Variants in SASH1 observed in about 807,000 individuals in gnomAD.
SASH1 encodes SAM and SH3 domain containing 1, also known as SAM and SH3 domain-containing protein 1.
SASH1 carries 44 observed loss-of-function variants against 125.2 expected under a neutral mutation model. The ratio of observed to expected loss-of-function variants is 0.35; its 90% CI spans 0.28 to 0.45. The LOEUF is 0.45. Among genes scored for constraint, SASH1 ranks in the 20% least tolerant of loss-of-function variants. The pLI is 1.00. For synonymous variants in SASH1, 639 were observed against 649.1 expected (o/e 0.98, Z 0.24); for missense variants, 1,426 against 1,614.5 (o/e 0.88, Z 2.00).
Position 148,358,063 on chromosome 6 carries a change from A to G in SASH1, c.156+14840A>G, listed in dbSNP as rs1435448956. On this transcript the variant is annotated intron_variant, in intron 1 of 19. Coordinates refer to ENST00000367467, the MANE Select transcript of SASH1 (RefSeq NM_015278.5). ...CAACAAGAGCAAAACTCCGTCTCAA[A>G]AAAAAAAAAAAAAAAAAAAAAATTC... Among the ~76,000 whole-genome samples, 52 of 69,472 alleles carry G rather than the reference A, an allele frequency of 7.5e-4. 1 individual carries two copies. In the South Asian group the frequency reaches 0.017, roughly 22 times the overall value. 45.6% of individuals were successfully genotyped at this position (69,472 alleles called of 152,430 possible).
chr6:148,356,494 C>CTTTTTTTTTTTTTTTTTTT lies in SASH1; in HGVS notation c.156+13273_156+13291dup, dbSNP rs57183555. On this transcript the variant is annotated intron_variant, in intron 1 of 19. Transcript: ENST00000367467. ...TCAAATGGTAGATCTACTTTTAGTTCTTTTTTTTTTTTTTTTTTTTGAGAC... is the reference window on the plus strand; with the variant it reads ...TCAAATGGTAGATCTACTTTTAGTTCTTTTTTTTTTTTTTTTTTTTTTTTTTTTTTTTTTTTTTTGAGAC... Among the ~76,000 whole-genome samples, 10 of 116,268 alleles carry CTTTTTTTTTTTTTTTTTTT rather than the reference C, an allele frequency of 8.6e-5. 1 individual carries two copies. The highest frequency in any genetic ancestry group is 1.2e-4 in the Non-Finnish European group (7 of 58,450). The allele number at this position is 116,268 out of a possible 152,430, so 76.3% of individuals were successfully genotyped here. A position where few individuals can be genotyped will look rare whatever the true frequency, so the allele number is the denominator to read the frequency against.
chr6:148,501,623 A>G (rs937430780), intron 8 of SASH1, among the ~76,000 whole-genome samples: 1 of 152,144 alleles, frequency 6.6e-6, no homozygotes, highest in Non-Finnish European at 1.5e-5. Context: ...TTAATATGAA[A>G]CAATACGTTT....
In SASH1 at chr6:148,533,058, C is replaced by G; in HGVS notation, c.1734+92C>G. 1 of 1,382,270 alleles carries G rather than the reference C, an allele frequency of 7.2e-7. No individual in the cohort carries two copies. Among genetic ancestry groups the G allele is most frequent in the Non-Finnish European group, 1.0e-6 (1 of 984,174 alleles). The allele number at this position is 1,382,270 out of a possible 1,614,324, so 85.6% of individuals were successfully genotyped here. On this transcript the variant is annotated intron_variant, in intron 14 of 19. Coordinates refer to ENST00000367467, the MANE Select transcript of SASH1 (RefSeq NM_015278.5). The surrounding 1 kb of genome is among the most constrained non-coding windows in gnomAD (Gnocchi z 6.2). ...CTCCTCACTGTTGAATGCTGGGCTA[C>G]TATGGTACAGACTGGACAGTATCTT...
upstream of SASH1, among the ~76,000 whole-genome samples, chr6:148,339,059 T>C (rs558232772): frequency 1.6e-4 from 24 of 150,884 alleles, no homozygotes; most frequent in Admixed American, 1.5e-3. Flanking sequence ...GAAGGAAATT[T>C]TAGAAGAAAG....
intron 9 of SASH1, among the ~76,000 whole-genome samples, chr6:148,514,761 T>C (rs1447244731): frequency 6.6e-6 from 1 of 152,246 alleles, no homozygotes; most frequent in Non-Finnish European, 1.5e-5. Context: ...TATACCATTT[T>C]ATATAAACTT....
At chr6:148,445,881 T>C (rs1240880483) in intron 4 of SASH1, among the ~76,000 whole-genome samples, 3 of 152,038 alleles carry the variant, frequency 2.0e-5, no homozygotes, top group South Asian at 4.1e-4. Context: ...CAGGATATAG[T>C]GATGGACAGA....
Position 148,544,213 on chromosome 6 carries a change from A to T in SASH1, c.2743A>T (p.Ile915Phe), listed in dbSNP as rs745706751. ...GACAACTAAGAAACTGGAGGGCTCA[A>T]TCGCAGCCTCTGGTCGCGGCCTGTC... ...KLTTKKLEGS[I>F]AASGRGLSPP... The change falls in exon 18 of 20, where the codon ATC (isoleucine) becomes TTC (phenylalanine). Residue 915 changes from isoleucine (I) to phenylalanine (F), a missense_variant. Ile to Phe is a conservative substitution (Grantham distance 21). Around this residue, in one of 3 missense-constraint regions of SASH1, gnomAD observed 634 missense variants for 694.4 expected, o/e 0.91. Coordinates refer to ENST00000367467, the MANE Select transcript of SASH1 (RefSeq NM_015278.5). The surrounding 1 kb of genome is among the most constrained non-coding windows in gnomAD (Gnocchi z 6.4). The T allele has an allele frequency of 6.2e-7, 1 of 1,614,156 alleles. No homozygotes were observed. Among genetic ancestry groups the T allele is most frequent in the East Asian group, 2.2e-5 (1 of 44,864 alleles).
At chr6:148,362,216 C>A (rs1052734093) in intron 1 of SASH1, among the ~76,000 whole-genome samples, 2 of 149,046 alleles carry the variant, frequency 1.3e-5, no homozygotes, top group African/African-American at 2.5e-5. Flanking sequence ...CGTGAGCCAC[C>A]GTGCCTGGCC....
chr6:148,334,334 A>T (rs1320090851), intron 1 of SASH1, among the ~76,000 whole-genome samples: 4 of 146,054 alleles, frequency 2.7e-5, no homozygotes, highest in African/African-American at 1.0e-4. Flanking sequence ...AGGCTGAGGC[A>T]GGAGAATGGC....
intron 7 of SASH1, chr6:148,480,457 C>T (rs998359770): frequency 2.6e-5 from 4 of 152,072 alleles, no homozygotes; most frequent in African/African-American, 4.8e-5. Flanking sequence ...CGTACCATTC[C>T]TGCAGGCCAC....
chr6:148,352,205 G>A (rs1201342772), intron 1 of SASH1, among the ~76,000 whole-genome samples: 1 of 152,184 alleles, frequency 6.6e-6, no homozygotes, highest in Non-Finnish European at 1.5e-5. Context: ...CATGTGACCT[G>A]GGTGAGTTAT....
the SASH1 span, among the ~76,000 whole-genome samples, chr6:148,229,862 C>T: frequency 6.6e-6 from 1 of 151,960 alleles, no homozygotes; most frequent in Non-Finnish European, 1.5e-5. Flanking sequence ...CAGGTGCATG[C>T]CACTACACCC....
At chr6:148,315,654 A>G (rs1780462620) in intron 1 of SASH1, among the ~76,000 whole-genome samples, 2 of 152,198 alleles carry the variant, frequency 1.3e-5, no homozygotes, top group Admixed American at 6.5e-5. Context: ...CTGTAATCTC[A>G]GTACTTTGGG....
At position 148,495,904 on chromosome 6, in the gene SASH1, C is replaced by T. The variant is rs778838989; in HGVS notation, c.729+8189C>T. On this transcript the variant is annotated intron_variant, in intron 8 of 19. Coordinates refer to ENST00000367467, the MANE Select transcript of SASH1 (RefSeq NM_015278.5). The surrounding 1 kb of genome is among the most constrained non-coding windows in gnomAD (Gnocchi z 4.0). ...AGGCTGGAGTGCAGTGGCACGATCT[C>T]GGCCCTCTGCAACCTCCACCTCCTG... 8.5e-5 allele frequency among the ~76,000 whole-genome samples: 13 copies of T among 152,190 alleles called. No individual in the cohort carries two copies. Among genetic ancestry groups the T allele is most frequent in the Non-Finnish European group, 4.4e-5 (3 of 68,046 alleles).
At chr6:148,525,560 T>C (rs1016087226) in intron 11 of SASH1, among the ~76,000 whole-genome samples, 195 bp downstream of exon 11, 1 of 152,248 alleles carries the variant, frequency 6.6e-6, no homozygotes, top group African/African-American at 2.4e-5. Flanking sequence ...ATGACCACTC[T>C]CACTGCCATC....
intron 1 of SASH1, among the ~76,000 whole-genome samples, chr6:148,356,812 C>A (rs1170833548): frequency 6.6e-6 from 1 of 152,170 alleles, no homozygotes; most frequent in Non-Finnish European, 1.5e-5. Flanking sequence ...TTCCCACCAG[C>A]AGTGTAAAAG....
intron 4 of SASH1, among the ~76,000 whole-genome samples, chr6:148,449,360 G>C (rs972832258): frequency 6.7e-6 from 1 of 149,220 alleles, no homozygotes; most frequent in Admixed American, 6.7e-5. Context: ...GTGAGTCACC[G>C]TACCTGGCTG....
chr6:148,469,519 G>A (rs908795962), intron 5 of SASH1, among the ~76,000 whole-genome samples: 2 of 151,934 alleles, frequency 1.3e-5, no homozygotes, highest in African/African-American at 4.8e-5. Context: ...AATTACTTGA[G>A]CCCAGGAGTT....
intron 1 of SASH1, among the ~76,000 whole-genome samples, chr6:148,330,363 G>T (rs9498004): frequency 0.058 from 8,771 of 152,256 alleles, 282 homozygotes; most frequent in South Asian, 0.089. Context: ...TTTAACTGGA[G>T]CTTTAAAATT....
Sources: allele counts gnomAD v4.1 joint callset (sites outside exome capture counted in the v4.1 genomes callset), GRCh38; gene constraint gnomAD v4.1.1; regional missense constraint gnomAD v4.1.1; non-coding constraint Gnocchi (gnomAD v3.1); transcripts MANE v1.5; gene names NCBI Gene and HGNC (gene_info 2026-07-23, HGNC 2026-07-21).